The following CAPN9 variants were observed in gnomAD, a reference collection of about 807,000 sequenced individuals.
CAPN9 encodes the protein calpain-9.
In CAPN9, 81 loss-of-function variants were observed where a neutral mutation model predicts 92.8. That is an observed-to-expected ratio of 0.87 (90% CI 0.73 to 1.05). CAPN9 has a LOEUF of 1.05. CAPN9 is among the 50% of genes least tolerant of loss of function. CAPN9 has a pLI of 0.00. For missense variants in CAPN9, 848 were observed against 866.2 expected (o/e 0.98, Z 0.26); for synonymous variants, 304 against 328.0 (o/e 0.93, Z 0.79).
chr1:230,791,866 A>G lies in CAPN9; in HGVS notation c.1660A>G (p.Lys554Glu). Residue 554 changes from lysine to glutamate, a missense_variant and splice_region_variant, in exon 15 of 20, where the codon AAG becomes GAG. Transcript: ENST00000271971. ...YVLNAVLQKK[K>E]DIKFKKLSLI... ...TCAGCTTTCATGTGCAATTTCAGAAAAGGACATCAAATTCAAGAAGCTAAG... is the reference window on the plus strand; with the variant it reads ...TCAGCTTTCATGTGCAATTTCAGAAGAGGACATCAAATTCAAGAAGCTAAG... The G allele has an allele frequency of 6.2e-7, 1 of 1,613,032 alleles. No individual in the cohort carries two copies. Among genetic ancestry groups the G allele is most frequent in the Non-Finnish European group, 8.5e-7 (1 of 1,178,970 alleles).
At chr1:230,767,057 T>G (rs1666029147) in intron 4 of CAPN9, among the ~76,000 whole-genome samples, 1 of 151,974 alleles carries the variant, frequency 6.6e-6, no homozygotes. Flanking sequence ...ATGACAAAAA[T>G]GGTTAGGAGT....
intron 18 of CAPN9, 164 bp downstream of exon 18, chr1:230,795,443 C>T: frequency 1.8e-6 from 1 of 567,842 alleles, no homozygotes; most frequent in Non-Finnish European, 3.2e-6. Flanking sequence ...AGCTAAGGAG[C>T]AGAATGTGCC....
chr1:230,776,052 G>T (rs1666749000), intron 8 of CAPN9: 1 of 151,932 alleles, frequency 6.6e-6, no homozygotes, highest in African/African-American at 2.4e-5. Flanking sequence ...GTCTATTTGG[G>T]TGGCTATAAA....
chr1:230,758,241 G>C (rs1665383351), intron 2 of CAPN9, among the ~76,000 whole-genome samples: 1 of 152,230 alleles, frequency 6.6e-6, no homozygotes, highest in Non-Finnish European at 1.5e-5. Context: ...GCCCACAGCA[G>C]AGGTCACTCT....
chr1:230,777,348 G>A (rs942355972), intron 8 of CAPN9, among the ~76,000 whole-genome samples: 4 of 152,104 alleles, frequency 2.6e-5, no homozygotes, highest in Non-Finnish European at 5.9e-5. Flanking sequence ...AAGGTGATGG[G>A]TGGTGTTAAA....
At chr1:230,761,979 G>A in intron 3 of CAPN9, among the ~76,000 whole-genome samples, 1 of 152,188 alleles carries the variant, frequency 6.6e-6, no homozygotes, top group East Asian at 1.9e-4. Context: ...GCAAACACAT[G>A]CTTTCACACA....
At chr1:230,779,903 G>A (rs1013866145) in intron 9 of CAPN9, among the ~76,000 whole-genome samples, 5 of 152,166 alleles carry the variant, frequency 3.3e-5, no homozygotes, top group African/African-American at 7.2e-5. Context: ...CCAGAAGAAT[G>A]TCCTTAAGAA....
intron 6 of CAPN9, among the ~76,000 whole-genome samples, chr1:230,771,314 T>C (rs1190820363): frequency 1.3e-5 from 2 of 152,260 alleles, no homozygotes; most frequent in Non-Finnish European, 2.9e-5. Flanking sequence ...AGTTGATAAC[T>C]AGAAGTCTTT....
At chr1:230,800,052 CCTGTAGTCCCAGCTACTCGGGAGG>C (rs1276228844) in intron 19 of CAPN9, among the ~76,000 whole-genome samples, 1 of 151,754 alleles carries the variant, frequency 6.6e-6, no homozygotes, top group African/African-American at 2.4e-5. Context: ...GTGGCGGGCG[CCTGTAGTCCCAGCTACTCGGGAGG>C]CTGAGGCAGG....
chr1:230,748,048 C>T (rs1664539641), intron 1 of CAPN9, among the ~76,000 whole-genome samples: 1 of 152,150 alleles, frequency 6.6e-6, no homozygotes, highest in South Asian at 2.1e-4. Context: ...AGGCCCCCAC[C>T]CTGTGTGTGG....
intron 1 of CAPN9, among the ~76,000 whole-genome samples, chr1:230,754,430 G>A (rs190180716): frequency 3.3e-5 from 5 of 151,186 alleles, no homozygotes; most frequent in East Asian, 1.9e-4. Context: ...AATGCACTTC[G>A]GTGAAACAAT....
chr1:230,763,152 T>G (rs3790959), intron 4 of CAPN9, among the ~76,000 whole-genome samples: 51,965 of 152,138 alleles, frequency 0.34, 9,172 homozygotes, highest in East Asian at 0.45. Context: ...TTACGCACGT[T>G]GATATAGAGA....
At chr1:230,772,419 G>A (rs1666442680) in intron 7 of CAPN9, among the ~76,000 whole-genome samples, 1 of 152,192 alleles carries the variant, frequency 6.6e-6, no homozygotes, top group Admixed American at 6.5e-5. Context: ...ATCTGTAGTT[G>A]TGAGTAACTC....
At chr1:230,761,733 A>AC (rs1228245983) in intron 3 of CAPN9, among the ~76,000 whole-genome samples, 1 of 152,104 alleles carries the variant, frequency 6.6e-6, no homozygotes, top group Non-Finnish European at 1.5e-5. Context: ...CTTAGAGGTT[A>AC]CCTTAGGATC....
intron 1 of CAPN9, among the ~76,000 whole-genome samples, chr1:230,749,904 CTAGTT>C (rs1487496284): frequency 1.3e-5 from 2 of 152,170 alleles, no homozygotes; most frequent in African/African-American, 2.4e-5. Flanking sequence ...TTGACATCAT[CTAGTT>C]TAAAGTGTAA....
At position 230,772,079 on chromosome 1, in the gene CAPN9, G is replaced by A; in HGVS notation, c.855G>A (p.Trp285Ter). 6.2e-7 allele frequency: 1 copy of A among 1,614,232 alleles called. No individual in the cohort carries two copies. Residue 285 changes from tryptophan to a stop codon, truncating the protein, a stop_gained, in exon 7 of 20, where the codon TGG (tryptophan) becomes TGA (stop). Transcript: ENST00000271971. LOFTEE classifies it high-confidence loss of function. ...GGAACCCTTGGGGCCAGGTTGAGTG[G>A]AACGGGTCGTGGAGCGACAGGTCAG... is the stretch of plus-strand genomic sequence containing the variant. ...RIRNPWGQVE[W>*]NGSWSDSSPE...
At chr1:230,761,787 T>A (rs1206159951) in intron 3 of CAPN9, among the ~76,000 whole-genome samples, 1 of 152,040 alleles carries the variant, frequency 6.6e-6, no homozygotes, top group Non-Finnish European at 1.5e-5. Flanking sequence ...AGGAGGTGGG[T>A]CACTGCAGGA....
chr1:230,763,422 CT>C (rs1015971521), intron 4 of CAPN9, among the ~76,000 whole-genome samples: 1 of 152,190 alleles, frequency 6.6e-6, no homozygotes, highest in African/African-American at 2.4e-5. Flanking sequence ...CCCCCAGCCC[CT>C]GGCAACACCA....
intron 12 of CAPN9, among the ~76,000 whole-genome samples, chr1:230,787,287 C>T (rs1667661677): frequency 6.6e-6 from 1 of 152,118 alleles, no homozygotes; most frequent in South Asian, 2.1e-4. Flanking sequence ...TTGGCCTCCT[C>T]GTCTGTAAGG....
Sources: allele counts gnomAD v4.1 joint callset (sites outside exome capture counted in the v4.1 genomes callset), GRCh38; gene constraint gnomAD v4.1.1; transcripts MANE v1.5; gene names NCBI Gene and HGNC (gene_info 2026-07-23, HGNC 2026-07-21).